The following BDP1 variants were observed in gnomAD, a reference collection of about 807,000 sequenced individuals.
BDP1 encodes the protein transcription factor TFIIIB component B'' homolog.
BDP1 carries 169 observed loss-of-function variants against 266.6 expected under a neutral mutation model. The observed-to-expected ratio is 0.63, with a 90% CI of 0.56 to 0.72. The LOEUF (loss-of-function observed/expected upper bound fraction) is 0.72. Ranked by LOEUF, BDP1 falls within the 30% of genes least tolerant of loss-of-function variation. The probability of loss-of-function intolerance (pLI) is 0.00; values close to 1 mark genes in which losing one functional copy is unlikely to be tolerated. For missense variants in BDP1, 3,015 were observed against 3,053.8 expected (o/e 0.99, Z 0.30); for synonymous variants, 1,090 against 1,022.4 (o/e 1.07, Z -1.26).
intron 35 of BDP1, among the ~76,000 whole-genome samples, chr5:71,555,442 C>A (rs1209915018): frequency 1.4e-5 from 2 of 139,712 alleles, no homozygotes; most frequent in Admixed American, 1.5e-4. Context: ...TTTCTTTATT[C>A]TTTTTTTTTT....
rs377599570 is a variant in BDP1 at position 71,506,823 on chromosome 5, A to ACACACACC, written c.2372+2073_2372+2074insACACACCC. 9.7e-3 allele frequency among the ~76,000 whole-genome samples: 1,371 copies of ACACACACC among 141,774 alleles called. 29 individuals are homozygous for ACACACACC. Among genetic ancestry groups the ACACACACC allele is most frequent in the East Asian group, 0.033 (161 of 4,820 alleles). 93.0% of individuals were successfully genotyped at this position (141,774 alleles called of 152,430 possible). On this transcript the variant is annotated intron_variant, in intron 16 of 38. Transcript: ENST00000358731. ...CACACACACACACACACACACACAC[A>ACACACACC]CCCATATTTTTTTAAAGACAAGGGT...
intron 16 of BDP1, among the ~76,000 whole-genome samples, chr5:71,508,382 C>T (rs1764699483): frequency 6.6e-6 from 1 of 152,148 alleles, no homozygotes; most frequent in Non-Finnish European, 1.5e-5. Flanking sequence ...TGGCTTACTG[C>T]AGCCTCATCC....
intron 13 of BDP1, among the ~76,000 whole-genome samples, chr5:71,501,192 T>C (rs1042761101): frequency 5.9e-5 from 9 of 152,194 alleles, no homozygotes; most frequent in African/African-American, 1.9e-4. Context: ...TATTCATTTA[T>C]TGAGATGGAG....
Position 71,458,656 on chromosome 5 carries a change from G to T in BDP1, c.290G>T (p.Arg97Leu). 1.2e-6 allele frequency: 2 copies of T among 1,613,770 alleles called. No homozygotes were observed. The change falls in exon 2 of 39, where the codon CGA becomes CTA. Residue 97 changes from arginine to leucine, a missense_variant. Arg to Leu is a moderately radical substitution (Grantham distance 102, BLOSUM62 -2). Transcript: ENST00000358731. ...SSSTVSQRRK[R>L]ISSTSSLVKS... ...TCTACTGTTTCACAGAGAAGAAAGC[G>T]AATATCAAGTACTTCTAGCCTGGTT...
rs1287212129 is a variant in BDP1 at position 71,482,942 on chromosome 5, A to G, written c.1015-900A>G. 2.6e-5 allele frequency among the ~76,000 whole-genome samples: 4 copies of G among 152,222 alleles called. No homozygotes were observed. In the East Asian group the frequency reaches 7.7e-4, roughly 29 times the overall value. On this transcript the variant is annotated intron_variant, in intron 7 of 38. Transcript: ENST00000358731. ...CATATCAGGTTTTAAAAATATGGGC[A>G]AGGCTAAACTGTATCATCTAAGAAT...
chr5:71,497,145 C>G, intron 12 of BDP1, 125 bp from the exon 13 acceptor site: 2 of 752,330 alleles, frequency 2.7e-6, no homozygotes, highest in Non-Finnish European at 4.2e-6. Flanking sequence ...TTTAAGTTTT[C>G]TTTGCTACTC....
chr5:71,566,287 C>T lies in BDP1; in HGVS notation c.*1402C>T, dbSNP rs1319048496. ...AGCCAATTTCTTCATAGTTTTTTCCCATTAAATTCTCAAGGAACACTTGGA... is the reference window on the plus strand; with the variant it reads ...AGCCAATTTCTTCATAGTTTTTTCCTATTAAATTCTCAAGGAACACTTGGA... On this transcript the variant is annotated 3_prime_UTR_variant, in exon 39 of 39. Coordinates refer to ENST00000358731, the MANE Select transcript of BDP1 (RefSeq NM_018429.3). 1 of 152,534 alleles carries T rather than the reference C, an allele frequency of 6.6e-6. No individual in the cohort carries two copies. Among genetic ancestry groups the T allele is most frequent in the African/African-American group, 2.4e-5 (1 of 41,434 alleles). 9.4% of individuals were successfully genotyped at this position (152,534 alleles called of 1,614,324 possible). A position where few individuals can be genotyped will look rare whatever the true frequency, so the allele number is the denominator to read the frequency against.
chr5:71,517,322 T>A lies in BDP1; in HGVS notation c.4861T>A (p.Ser1621Thr). 1 of 1,596,400 alleles carries A rather than the reference T, an allele frequency of 6.3e-7. No individual in the cohort carries two copies. Among genetic ancestry groups the A allele is most frequent in the Non-Finnish European group, 8.5e-7 (1 of 1,174,382 alleles). The change falls in exon 22 of 39, where the codon TCA (serine) becomes ACA (threonine). Residue 1621 changes from serine to threonine, a missense_variant and splice_region_variant. Ser to Thr is a moderately conservative substitution (Grantham distance 58, BLOSUM62 1). Coordinates refer to ENST00000358731, the MANE Select transcript of BDP1 (RefSeq NM_018429.3). ...DETEKKVLTV[S>T]NSQIETEIEV... Reference sequence around the variant, plus strand: ...TACTAATATGATTTTGTCTTTTCAGTCAAATTCTCAAATTGAAACTGAAAT... The same window carrying A: ...TACTAATATGATTTTGTCTTTTCAGACAAATTCTCAAATTGAAACTGAAAT...
rs955165809 is a variant in BDP1, at chr5:71,533,632, AT to A, written c.5892+1217del. Reference sequence around the variant, plus strand: ...AGGTGTGTGCCACCATGCCCAGCTAATTTTTTTTTTTTGTAGAGGTGGGGTC... The same window carrying A: ...AGGTGTGTGCCACCATGCCCAGCTAATTTTTTTTTTTGTAGAGGTGGGGTC... On this transcript the variant is annotated intron_variant, in intron 26 of 38. Coordinates refer to ENST00000358731, the MANE Select transcript of BDP1 (RefSeq NM_018429.3). Among the ~76,000 whole-genome samples, 459 of 145,454 alleles carry A rather than the reference AT, an allele frequency of 3.2e-3. 3 individuals are homozygous for A. The highest frequency in any genetic ancestry group is 8.6e-3 in the African/African-American group (344 of 39,886).
the BDP1 span, among the ~76,000 whole-genome samples, chr5:71,574,565 C>T: frequency 6.6e-6 from 1 of 152,162 alleles, no homozygotes; most frequent in Non-Finnish European, 1.5e-5. Flanking sequence ...TCAAAGTTCC[C>T]ACTGGTATTT....
chr5:71,486,947 CAA>C (rs1301492796), intron 9 of BDP1, among the ~76,000 whole-genome samples: 2 of 152,022 alleles, frequency 1.3e-5, no homozygotes, highest in East Asian at 3.9e-4. Flanking sequence ...CTCTGTAAAA[CAA>C]ATCTGGTATA....
intron 16 of BDP1, among the ~76,000 whole-genome samples, chr5:71,506,781 T>TATATATATATATA (rs201899514): frequency 9.4e-6 from 1 of 106,708 alleles, no homozygotes; most frequent in African/African-American, 3.4e-5. Context: ...TATATATATA[T>TATATATATATATA]TTGAAACACA....
chr5:71,571,453 A>G (rs1194716824), downstream of BDP1, among the ~76,000 whole-genome samples: 1 of 152,052 alleles, frequency 6.6e-6, no homozygotes, highest in East Asian at 1.9e-4. Flanking sequence ...TGGCCCCTGG[A>G]ACCAGTTTTT....
chr5:71,511,308 G>A, intron 17 of BDP1, 157 bp downstream of exon 17: 1 of 701,214 alleles, frequency 1.4e-6, no homozygotes, highest in South Asian at 2.1e-5. Flanking sequence ...TCAGTGCCTT[G>A]AAGAAACTGT....
At chr5:71,535,519 T>G (rs951549564) in intron 26 of BDP1, among the ~76,000 whole-genome samples, 6 of 152,162 alleles carry the variant, frequency 3.9e-5, no homozygotes, top group African/African-American at 1.4e-4. Flanking sequence ...ATAAAAAAAT[T>G]TTAAGTCGGG....
chr5:71,530,743 G>A (rs1232513944), intron 25 of BDP1, among the ~76,000 whole-genome samples: 2 of 152,060 alleles, frequency 1.3e-5, no homozygotes, highest in African/African-American at 4.8e-5. Flanking sequence ...TCTAAATTTT[G>A]TATCTGAGGA....
Position 71,564,972 on chromosome 5 carries a change from A to G in BDP1, c.*87A>G, listed in dbSNP as rs535348133. On this transcript the variant is annotated 3_prime_UTR_variant, in exon 39 of 39. Transcript: ENST00000358731. ...AACAAAACAGTATTTAGAGCAAAAT[A>G]TCACTGTCTTATTTTTCTTTAGGTT... 3.4e-5 allele frequency: 42 copies of G among 1,218,906 alleles called. No homozygotes were observed. The African/African-American group carries it at 5.5e-4, about 16-fold the overall frequency. The allele number at this position is 1,218,906 out of a possible 1,614,324, so 75.5% of individuals were successfully genotyped here.
At position 71,458,716 on chromosome 5, in the gene BDP1, C is replaced by G. The variant is rs776917231; in HGVS notation, c.350C>G (p.Pro117Arg). 6.2e-7 allele frequency: 1 copy of G among 1,614,072 alleles called. No homozygotes were observed. The highest frequency in any genetic ancestry group is 8.5e-7 in the Non-Finnish European group (1 of 1,180,000). ...GTCAGTGTTCCTTCAGAATCTCATC[C>G]CTTATCTACAATTAATCAAGAGGCT... ...SSVSVPSESH[P>R]LSTINQEAPQ... Residue 117 changes from proline (P) to arginine (R), a missense_variant, in exon 2 of 39, where the codon CCC becomes CGC. Around this residue, in one of 3 missense-constraint regions of BDP1, gnomAD observed 2,383 missense variants for 2,404.9 expected, o/e 0.99. Transcript: ENST00000358731.
chr5:71,553,049 C>T (rs1375586314), intron 34 of BDP1, 67 bp from the exon 35 acceptor site: 14 of 1,305,360 alleles, frequency 1.1e-5, no homozygotes, highest in Non-Finnish European at 1.4e-5. Context: ...TTCTAGGATC[C>T]TTTAAAAAAA....
Sources: allele counts gnomAD v4.1 joint callset (sites outside exome capture counted in the v4.1 genomes callset), GRCh38; gene constraint gnomAD v4.1.1; regional missense constraint gnomAD v4.1.1; transcripts MANE v1.5; gene names NCBI Gene and HGNC (gene_info 2026-07-23, HGNC 2026-07-21).